The following RAB37 variants were observed in gnomAD, a reference collection of about 807,000 sequenced individuals.
The protein encoded by RAB37 is ras-related protein Rab-37.
Under a neutral mutation model 33.1 loss-of-function variants are expected in RAB37, and 29 were observed. The observed-to-expected ratio is 0.88, with a 90% CI of 0.65 to 1.20. RAB37 has a LOEUF of 1.20. Among genes scored for constraint, RAB37 ranks in the 50% most tolerant of loss-of-function variants. The pLI, the probability that RAB37 is intolerant of heterozygous loss-of-function variation, is 0.00. For missense variants in RAB37, 299 were observed against 301.1 expected, an observed-to-expected ratio of 0.99 and a Z score of 0.05; for synonymous variants, 128 against 119.5, an observed-to-expected ratio of 1.07 and a Z score of -0.47.
At chr17:74,696,612 C>T (rs2032503727) in intron 1 of RAB37, among the ~76,000 whole-genome samples, 1 of 152,234 alleles carries the variant, frequency 6.6e-6, no homozygotes, top group Non-Finnish European at 1.5e-5. Flanking sequence ...AAAGTCATGC[C>T]TGCCTTCTGC....
intron 1 of RAB37, among the ~76,000 whole-genome samples, chr17:74,693,465 G>C (rs1388572755): frequency 6.6e-6 from 1 of 152,160 alleles, no homozygotes; most frequent in East Asian, 1.9e-4. Flanking sequence ...GATCACTCTG[G>C]TTGCTGGGAC....
chr17:74,695,589 A>T, intron 1 of RAB37: 1 of 1,280,130 alleles, frequency 7.8e-7, no homozygotes, highest in Admixed American at 2.2e-5. Context: ...CGAGTCCTGC[A>T]GTGACTATGG....
intron 1 of RAB37, among the ~76,000 whole-genome samples, chr17:74,727,034 A>T (rs1249752757): frequency 2.0e-5 from 3 of 152,128 alleles, no homozygotes; most frequent in African/African-American, 7.2e-5. Flanking sequence ...CAAACATTTC[A>T]TCTGAACTTC....
intron 1 of RAB37, chr17:74,704,523 T>G (rs1598255095): frequency 2.5e-6 from 4 of 1,614,060 alleles, no homozygotes; most frequent in Middle Eastern, 1.6e-4. Context: ...TCATTTCCAG[T>G]TTTCTCAATT....
chr17:74,703,033 A>T lies in RAB37; in HGVS notation c.73-26223A>T, dbSNP rs760295272. The stretch of plus-strand genomic sequence containing the variant: ...GCCACAGTGGAACCAGAGCTGGCTT[A>T]CCTGTTGTCCAAGTGGTGGCCGGTC... On this transcript the variant is annotated intron_variant, in intron 1 of 7. Coordinates refer to the RAB37 transcript ENST00000340415. 2.4e-5 allele frequency: 39 copies of T among 1,612,084 alleles called. No individual in the cohort carries two copies. In the Admixed American group the frequency reaches 6.5e-4, roughly 27 times the overall value.
intron 1 of RAB37, among the ~76,000 whole-genome samples, chr17:74,725,569 C>G (rs1471109939): frequency 6.6e-6 from 1 of 152,002 alleles, no homozygotes; most frequent in Non-Finnish European, 1.5e-5. Flanking sequence ...TGTAAATAGA[C>G]CAGCGCTGAG....
At position 74,745,563 on chromosome 17, in the gene RAB37, C is replaced by A. The variant is rs886989807; in HGVS notation, c.*152C>A. On this transcript the variant is annotated 3_prime_UTR_variant, in exon 9 of 9. Transcript: ENST00000392613. This position sits in a 1 kb window ranked among gnomAD's most constrained non-coding sequence, Gnocchi z 4.5. ...CCTAGCAGGGAGCTATACTCCAACT[C>A]CTACTTGAGTTCCTGCGGTCTCCCC... 8.0e-6 allele frequency: 5 copies of A among 628,700 alleles called. No homozygotes were observed. The highest frequency in any genetic ancestry group is 1.1e-5 in the Non-Finnish European group (4 of 351,998). 38.9% of individuals were successfully genotyped at this position (628,700 alleles called of 1,614,324 possible). A position where few individuals can be genotyped will look rare whatever the true frequency, so the allele number is the denominator to read the frequency against.
chr17:74,687,649 G>T (rs957994722), intron 1 of RAB37, among the ~76,000 whole-genome samples: 59 of 152,176 alleles, frequency 3.9e-4, no homozygotes, highest in African/African-American at 1.3e-3. Flanking sequence ...TTGCTTCAAG[G>T]GTCCCTTTCA....
At chr17:74,695,004 G>C in intron 1 of RAB37, 1 of 1,384,952 alleles carries the variant, frequency 7.2e-7, no homozygotes, top group Non-Finnish European at 9.9e-7. Flanking sequence ...CAGTCCCCGG[G>C]TTGGTCCTGA....
intron 1 of RAB37, among the ~76,000 whole-genome samples, chr17:74,739,526 T>C (rs1309100989): frequency 8.2e-6 from 1 of 121,488 alleles, no homozygotes; most frequent in African/African-American, 3.3e-5. Context: ...TCATGCAACC[T>C]TTTTTTTTTT....
rs77489793 is a variant in RAB37, at chr17:74,738,546, G to A, written c.93+1181G>A. ...GCTGTTTGTGTTTGGTGGAATCACC[G>A]AGCTGGGTGGGTAGCTGGCATCGTT... On this transcript the variant is annotated intron_variant, in intron 1 of 8. Coordinates refer to ENST00000392613, the MANE Select transcript of RAB37 (RefSeq NM_001006638.3). The surrounding 1 kb of genome is among the most constrained non-coding windows in gnomAD (Gnocchi z 5.0). 1.5e-3 allele frequency among the ~76,000 whole-genome samples: 236 copies of A among 152,268 alleles called. 5 individuals are homozygous for A. In the East Asian group the frequency reaches 0.025, roughly 16 times the overall value.
upstream of RAB37, among the ~76,000 whole-genome samples, chr17:74,735,081 G>T: frequency 7.2e-6 from 1 of 139,614 alleles, no homozygotes; most frequent in East Asian, 2.1e-4. Flanking sequence ...GGGAAAAGAA[G>T]GAAGGAAAAG....
At chr17:74,733,427 A>AGGTGTGTGTGGT (rs2034416895), upstream of RAB37, among the ~76,000 whole-genome samples, 1 of 444 alleles carries the variant, frequency 2.3e-3, no homozygotes, top group Non-Finnish European at 3.7e-3. Context: ...GTGTGATTTG[A>AGGTGTGTGTGGT]GAGTGTATGT....
intron 1 of RAB37, among the ~76,000 whole-genome samples, chr17:74,683,498 C>A (rs1293396283): frequency 1.3e-5 from 2 of 152,176 alleles, no homozygotes; most frequent in African/African-American, 4.8e-5. Context: ...CAAACAAGGC[C>A]AACTTTATGA....
At chr17:74,693,532 T>C (rs1248873340) in intron 1 of RAB37, among the ~76,000 whole-genome samples, 1 of 152,136 alleles carries the variant, frequency 6.6e-6, no homozygotes, top group African/African-American at 2.4e-5. Context: ...GAATGGTTGC[T>C]TGGACTAGCA....
chr17:74,736,665 A>C (rs2034479513), upstream of RAB37: 5 of 1,535,642 alleles, frequency 3.3e-6, no homozygotes, highest in East Asian at 2.4e-5. Context: ...GGTGATCCAT[A>C]CTAAAGGGTC....
Position 74,696,303 on chromosome 17 carries a change from A to T in RAB37, c.72+24645A>T, listed in dbSNP as rs116797585. 7,196 of 1,422,558 alleles carry T rather than the reference A, an allele frequency of 5.1e-3. 142 individuals carry two copies. The highest frequency in any genetic ancestry group is 0.044 in the African/African-American group (3,050 of 68,988). 88.1% of individuals were successfully genotyped at this position (1,422,558 alleles called of 1,614,324 possible). ...CAGGTCTAGGGAAGAGAAATATGGAAGAAAAGAGGTGAATTGGGTCCAGGC... is the reference window on the plus strand; with the variant it reads ...CAGGTCTAGGGAAGAGAAATATGGATGAAAAGAGGTGAATTGGGTCCAGGC... On this transcript the variant is annotated intron_variant, in intron 1 of 7. Transcript: ENST00000340415.
chr17:74,737,911 C>A (rs115987034), intron 1 of RAB37, among the ~76,000 whole-genome samples: 1 of 152,184 alleles, frequency 6.6e-6, no homozygotes, highest in Non-Finnish European at 1.5e-5. Context: ...CCGCTCCTCC[C>A]AGAAGGATGT....
At chr17:74,699,243 G>A (rs760825727) in intron 1 of RAB37, among the ~76,000 whole-genome samples, 6 of 152,162 alleles carry the variant, frequency 3.9e-5, no homozygotes, top group African/African-American at 1.4e-4. Context: ...TTTAAAAGGA[G>A]AAAAGGGTTC....
Sources: gnomAD v4.1 joint callset for allele counts (sites outside exome capture counted in the v4.1 genomes callset) on GRCh38, gnomAD v4.1.1 for gene constraint, Gnocchi (gnomAD v3.1) non-coding constraint, MANE v1.5 for transcripts, NCBI Gene and HGNC (gene_info 2026-07-23, HGNC 2026-07-21) for gene names.